Variants in CHFR observed in about 807,000 individuals in gnomAD.
CHFR encodes checkpoint with forkhead and ring finger domains.
A neutral mutation model predicts 87.6 loss-of-function variants in CHFR; 57 were observed. The ratio of observed to expected loss-of-function variants is 0.65; its 90% CI spans 0.53 to 0.81. The LOEUF (loss-of-function observed/expected upper bound fraction) is 0.81, where lower values mean the gene tolerates loss of function less well. Ranked by LOEUF, CHFR falls within the 30% of genes least tolerant of loss-of-function variation. The pLI, the probability that CHFR is intolerant of heterozygous loss-of-function variation, is 0.00. For synonymous variants in CHFR, 381 were observed against 359.2 expected (o/e 1.06, Z -0.69); for missense variants, 797 against 865.8 (o/e 0.92, Z 1.00).
Position 132,872,330 on chromosome 12 carries a change from C to T in CHFR, c.298G>A (p.Gly100Arg). Reference protein sequence around the residue: ...VKKQTCPLQTGDVIYLVYRKN... With the variant: ...VKKQTCPLQTRDVIYLVYRKN... Reference sequence around the variant, plus strand: ...CTGTACACCAAGTAGATGACATCCCCAGTCTGTAAAGGGCATGTCTGCTTC... The same window carrying T: ...CTGTACACCAAGTAGATGACATCCCTAGTCTGTAAAGGGCATGTCTGCTTC... Residue 100 changes from glycine (G) to arginine (R), a missense_variant, in exon 4 of 18, where the codon GGG (glycine) becomes AGG (arginine). Gly to Arg is a moderately radical substitution (Grantham distance 125). Around this residue, in one of 2 missense-constraint regions of CHFR, gnomAD observed 597 missense variants for 601.2 expected, o/e 0.99. Coordinates refer to ENST00000450056, the MANE Select transcript of CHFR (RefSeq NM_001161346.2). The T allele has an allele frequency of 1.9e-6, 3 of 1,613,518 alleles. No individual in the cohort carries two copies. Among genetic ancestry groups the T allele is most frequent in the Non-Finnish European group, 2.5e-6 (3 of 1,179,470 alleles).
rs953663149 is a variant in CHFR, at chr12:132,843,143, C to T, written c.1844-60G>A. 4.7e-6 allele frequency: 7 copies of T among 1,491,596 alleles called. No individual in the cohort carries two copies. The African/African-American group carries it at 8.2e-5, about 18-fold the overall frequency. The allele number at this position is 1,491,596 out of a possible 1,614,324, so 92.4% of individuals were successfully genotyped here. ...GTATTGCACGCACCCACTCAGCTACCTGAATCCCAGCAGAGACCCAACGAC... is the reference window on the plus strand; with the variant it reads ...GTATTGCACGCACCCACTCAGCTACTTGAATCCCAGCAGAGACCCAACGAC... On this transcript the variant is annotated intron_variant, in intron 16 of 17. Coordinates refer to ENST00000450056, the MANE Select transcript of CHFR (RefSeq NM_001161346.2).
At chr12:132,860,340 T>C (rs1410391815) in intron 7 of CHFR, among the ~76,000 whole-genome samples, 1 of 152,158 alleles carries the variant, frequency 6.6e-6, no homozygotes, top group Non-Finnish European at 1.5e-5. Flanking sequence ...ATTATTATGC[T>C]TATGCAAGTA....
At chr12:132,869,499 C>T (rs949378365) in intron 6 of CHFR, 120 bp downstream of exon 6, 7 of 849,038 alleles carry the variant, frequency 8.2e-6, no homozygotes, top group Non-Finnish European at 9.2e-6. Context: ...ACAGAAATCT[C>T]ACTACTGAGA....
At position 132,836,979 on chromosome 12, in the gene CHFR, G is replaced by A; in HGVS notation, c.*4575C>T. On this transcript the variant is annotated 3_prime_UTR_variant, in exon 18 of 18. Coordinates refer to ENST00000450056, the MANE Select transcript of CHFR (RefSeq NM_001161346.2). The stretch of plus-strand genomic sequence containing the variant: ...AGATGTTTCCTTTCCGATAGTGACA[G>A]GTGCTGGGGGGAAACTAGACTGGCT... The A allele has an allele frequency of 2.8e-6, 1 of 360,326 alleles. No homozygotes were observed. The allele number at this position is 360,326 out of a possible 1,614,324, so 22.3% of individuals were successfully genotyped here.
At chr12:132,878,105 C>A (rs1951671999) in intron 2 of CHFR, among the ~76,000 whole-genome samples, 1 of 151,922 alleles carries the variant, frequency 6.6e-6, no homozygotes, top group African/African-American at 2.4e-5. Flanking sequence ...CCCGGCCCAT[C>A]CTGAACCTTT....
At chr12:132,869,542 T>G in intron 6 of CHFR, 77 bp downstream of exon 6, 2 of 1,377,402 alleles carry the variant, frequency 1.5e-6, no homozygotes, top group Non-Finnish European at 2.0e-6. Flanking sequence ...CTTATCTGCC[T>G]CTGTAACAAC....
chr12:132,871,451 T>C (rs1175849807), intron 4 of CHFR, among the ~76,000 whole-genome samples: 1 of 151,418 alleles, frequency 6.6e-6, no homozygotes, highest in Non-Finnish European at 1.5e-5. Context: ...AGCGAGACTC[T>C]GTCTCTTATT....
intron 2 of CHFR, among the ~76,000 whole-genome samples, chr12:132,886,745 C>T (rs973647602): frequency 1.2e-4 from 19 of 152,194 alleles, no homozygotes; most frequent in Non-Finnish European, 1.6e-4. Context: ...TTGGCTGCAT[C>T]CTAAATACCT....
rs576943420 is a variant in CHFR, at chr12:132,852,510, G to C, written c.1373-773C>G. Among the ~76,000 whole-genome samples, 17 of 146,910 alleles carry C rather than the reference G, an allele frequency of 1.2e-4. No homozygotes were observed. In the East Asian group the frequency reaches 3.3e-3, roughly 29 times the overall value. ...CCCTGGACACTCGCCACCCACACAG[G>C]AAAGACCCTGCGAGGTCAACATGCC... is the stretch of plus-strand genomic sequence containing the variant. On this transcript the variant is annotated intron_variant, in intron 11 of 17. Coordinates refer to ENST00000450056, the MANE Select transcript of CHFR (RefSeq NM_001161346.2).
chr12:132,850,551 G>A (rs886541748), intron 12 of CHFR, among the ~76,000 whole-genome samples: 4 of 152,130 alleles, frequency 2.6e-5, no homozygotes, highest in African/African-American at 7.2e-5. Flanking sequence ...GGCAGCGACC[G>A]CCCAGATCAC....
intron 12 of CHFR, chr12:132,849,514 C>A (rs947630134): frequency 6.6e-6 from 1 of 152,246 alleles, no homozygotes; most frequent in Non-Finnish European, 1.5e-5. Context: ...CTCACCTGCT[C>A]CACCACCCTA....
chr12:132,852,146 A>G (rs1950962190), intron 11 of CHFR, among the ~76,000 whole-genome samples: 1 of 145,482 alleles, frequency 6.9e-6, no homozygotes, highest in Non-Finnish European at 1.5e-5. Flanking sequence ...ACGCCTGGCT[A>G]ATTTTTTTTT....
At chr12:132,874,277 T>C (rs1344467117) in intron 3 of CHFR, among the ~76,000 whole-genome samples, 1 of 152,142 alleles carries the variant, frequency 6.6e-6, no homozygotes. Context: ...AGGGATGCCA[T>C]GCCCTGAAGC....
chr12:132,852,536 G>A (rs930324881), intron 11 of CHFR, among the ~76,000 whole-genome samples: 32 of 152,260 alleles, frequency 2.1e-4, no homozygotes, highest in African/African-American at 7.2e-4. Context: ...TCAACATGCC[G>A]GCCATAAGGA....
At chr12:132,855,385 G>A (rs1371397602) in intron 10 of CHFR, among the ~76,000 whole-genome samples, 1 of 151,962 alleles carries the variant, frequency 6.6e-6, no homozygotes, top group Non-Finnish European at 1.5e-5. Flanking sequence ...TTGTGCCATT[G>A]GCAGGGCGCA....
chr12:132,870,662 A>G (rs1951469383), intron 5 of CHFR, 62 bp downstream of exon 5: 1 of 1,221,816 alleles, frequency 8.2e-7, no homozygotes, highest in Admixed American at 1.8e-5. Context: ...TCCATCTCAA[A>G]ACACAAAAGG....
intron 2 of CHFR, among the ~76,000 whole-genome samples, chr12:132,884,953 T>C (rs1951852572): frequency 6.6e-6 from 1 of 151,726 alleles, no homozygotes; most frequent in South Asian, 2.1e-4. Context: ...CCAGGTGTGG[T>C]GGTACGTGCC....
intron 14 of CHFR, 86 bp downstream of exon 14, chr12:132,847,999 A>G: frequency 1.9e-6 from 3 of 1,601,906 alleles, no homozygotes; most frequent in Non-Finnish European, 2.6e-6. Context: ...TAAAACAGAT[A>G]AACACCAATA....
At chr12:132,871,308 C>T (rs12822599) in intron 4 of CHFR, among the ~76,000 whole-genome samples, 39,957 of 151,704 alleles carry the variant, frequency 0.26, 5,564 homozygotes, top group Middle Eastern at 0.42. Context: ...AAAAATTAGC[C>T]GGGTGTGGTG....
Sources: allele counts gnomAD v4.1 joint callset (sites outside exome capture counted in the v4.1 genomes callset), GRCh38; gene constraint gnomAD v4.1.1; regional missense constraint gnomAD v4.1.1; transcripts MANE v1.5; gene names NCBI Gene and HGNC (gene_info 2026-07-23, HGNC 2026-07-21).